Variants in MBOAT1 observed in about 807,000 individuals in gnomAD.
MBOAT1 encodes membrane bound glycerophospholipid O-acyltransferase 1.
In MBOAT1, 67 loss-of-function variants were observed where a neutral mutation model predicts 64.4. That is an observed-to-expected ratio of 1.04 (90% CI 0.85 to 1.27). The LOEUF (loss-of-function observed/expected upper bound fraction) is 1.27, where lower values mean the gene tolerates loss of function less well. Ranked by LOEUF, MBOAT1 falls within the 50% of genes most tolerant of loss-of-function variation. The probability of loss-of-function intolerance (pLI) is 0.00; values close to 1 mark genes in which losing one functional copy is unlikely to be tolerated. For synonymous variants in MBOAT1, 229 were observed against 218.9 expected (o/e 1.05, Z -0.41); for missense variants, 563 against 604.6 (o/e 0.93, Z 0.72).
intron 1 of MBOAT1, among the ~76,000 whole-genome samples, chr6:20,195,601 TTGCC>T (rs1459497711): frequency 9.3e-6 from 1 of 107,810 alleles, no homozygotes; most frequent in Non-Finnish European, 2.0e-5. Context: ...GGAAAATAAA[TTGCC>T]TGTGTGTGTG....
At chr6:20,130,701 CAAAA>C (rs753257631) in intron 5 of MBOAT1, among the ~76,000 whole-genome samples, 3 of 137,788 alleles carry the variant, frequency 2.2e-5, no homozygotes, top group African/African-American at 5.4e-5. Flanking sequence ...TTTTCCAAGC[CAAAA>C]AAAAAAACAA....
At position 20,161,060 on chromosome 6, in the gene MBOAT1, A is replaced by G. The variant is rs1009536858; in HGVS notation, c.100-8291T>C. ...GGCCACACAGCAGAAGGTGAGTGGC[A>G]GGTGACTGAGAGAAGCTTCATCTGT... On this transcript the variant is annotated intron_variant, in intron 1 of 12. Coordinates refer to ENST00000324607, the MANE Select transcript of MBOAT1 (RefSeq NM_001080480.3). 2.0e-5 allele frequency among the ~76,000 whole-genome samples: 3 copies of G among 152,164 alleles called. No individual in the cohort carries two copies. The South Asian group carries it at 6.2e-4, about 32-fold the overall frequency.
chr6:20,177,698 T>C (rs572356449), intron 1 of MBOAT1, among the ~76,000 whole-genome samples: 59 of 144,768 alleles, frequency 4.1e-4, no homozygotes, highest in Non-Finnish European at 7.3e-4. Flanking sequence ...GGCGTGAACC[T>C]GGGAGGCAGA....
intron 4 of MBOAT1, among the ~76,000 whole-genome samples, chr6:20,140,180 C>T (rs1581417284): frequency 6.6e-6 from 1 of 152,332 alleles, no homozygotes; most frequent in East Asian, 1.9e-4. Context: ...TTCCTTCCCC[C>T]AACCCCCAAT....
chr6:20,120,350 C>CTATTAT (rs975699327), intron 8 of MBOAT1, among the ~76,000 whole-genome samples: 1 of 151,754 alleles, frequency 6.6e-6, no homozygotes, highest in Admixed American at 6.6e-5. Flanking sequence ...GAAAGGTTAG[C>CTATTAT]TATTATTATT....
intron 1 of MBOAT1, among the ~76,000 whole-genome samples, chr6:20,183,595 C>A (rs1372476156): frequency 1.0e-5 from 1 of 99,270 alleles, no homozygotes; most frequent in Admixed American, 1.3e-4. Flanking sequence ...TGGTTGGTAT[C>A]CATCTCTCTA....
intron 4 of MBOAT1, 47 bp downstream of exon 4, chr6:20,144,173 A>C (rs565323632): frequency 7.8e-7 from 1 of 1,287,802 alleles, no homozygotes; most frequent in African/African-American, 1.5e-5. Context: ...CAAGAGACCA[A>C]GTCAAAGTCA....
intron 11 of MBOAT1, among the ~76,000 whole-genome samples, chr6:20,110,142 C>T (rs1016292149): frequency 2.0e-5 from 3 of 151,512 alleles, no homozygotes; most frequent in Non-Finnish European, 4.4e-5. Context: ...AATTCCTGAC[C>T]TTGTGATCTG....
At chr6:20,126,108 T>C (rs951844481) in intron 7 of MBOAT1, among the ~76,000 whole-genome samples, 1 of 152,226 alleles carries the variant, frequency 6.6e-6, no homozygotes, top group Non-Finnish European at 1.5e-5. Context: ...TTGCAATAAG[T>C]GAGCTCTACA....
intron 1 of MBOAT1, among the ~76,000 whole-genome samples, chr6:20,185,592 C>T (rs1269535994): frequency 6.6e-6 from 1 of 152,200 alleles, no homozygotes; most frequent in African/African-American, 2.4e-5. Flanking sequence ...ATCTTTCGCT[C>T]TCTCCACACT....
intron 1 of MBOAT1, among the ~76,000 whole-genome samples, chr6:20,167,011 T>C (rs1278466417): frequency 1.3e-5 from 2 of 152,216 alleles, no homozygotes; most frequent in Admixed American, 6.5e-5. Flanking sequence ...AAGAAACCCA[T>C]TGTGGTCAAT....
chr6:20,126,809 T>C (rs2113652614), intron 6 of MBOAT1, 109 bp from the exon 7 acceptor site: 1 of 793,156 alleles, frequency 1.3e-6, no homozygotes. Flanking sequence ...ATACATGACA[T>C]GACCTTTCCT....
intron 9 of MBOAT1, among the ~76,000 whole-genome samples, chr6:20,117,807 G>C (rs1292525578): frequency 6.6e-6 from 1 of 152,238 alleles, no homozygotes; most frequent in East Asian, 1.9e-4. Flanking sequence ...AAGGGGGAAA[G>C]GATCTGAGAC....
chr6:20,149,183 C>A (rs1450295634), intron 3 of MBOAT1, among the ~76,000 whole-genome samples: 1 of 152,010 alleles, frequency 6.6e-6, no homozygotes, highest in Non-Finnish European at 1.5e-5. Flanking sequence ...GCAGAGCCCC[C>A]TGCTACCACA....
chr6:20,122,420 G>A (rs138801623), intron 8 of MBOAT1, among the ~76,000 whole-genome samples: 1 of 152,268 alleles, frequency 6.6e-6, no homozygotes, highest in African/African-American at 2.4e-5. Flanking sequence ...TCCCAACCAT[G>A]CAACAATCTT....
intron 1 of MBOAT1, among the ~76,000 whole-genome samples, chr6:20,183,916 T>C (rs985702917): frequency 1.3e-5 from 2 of 151,872 alleles, no homozygotes; most frequent in African/African-American, 4.8e-5. Flanking sequence ...AAGAGAAAAA[T>C]GAGGAAGAAG....
chr6:20,205,449 C>G (rs146334273), intron 1 of MBOAT1, among the ~76,000 whole-genome samples: 317 of 152,268 alleles, frequency 2.1e-3, no homozygotes, highest in African/African-American at 6.8e-3. Flanking sequence ...CCAGGACACA[C>G]TAGGCCTTTG....
At chr6:20,130,173 C>A (rs1760775282) in intron 5 of MBOAT1, among the ~76,000 whole-genome samples, 1 of 152,180 alleles carries the variant, frequency 6.6e-6, no homozygotes, top group Non-Finnish European at 1.5e-5. Flanking sequence ...ACTAATTGCA[C>A]CTGGCCTCTC....
At chr6:20,173,785 T>C (rs1762266706) in intron 1 of MBOAT1, among the ~76,000 whole-genome samples, 1 of 151,948 alleles carries the variant, frequency 6.6e-6, no homozygotes, top group Non-Finnish European at 1.5e-5. Flanking sequence ...ACCCTGTCTC[T>C]ACTAAAAATA....
Sources: allele counts gnomAD v4.1 joint callset (sites outside exome capture counted in the v4.1 genomes callset), GRCh38; gene constraint gnomAD v4.1.1; transcripts MANE v1.5; gene names NCBI Gene and HGNC (gene_info 2026-07-23, HGNC 2026-07-21).